Variants in IGFL2 observed in about 807,000 individuals in gnomAD.
IGFL2 encodes the protein insulin growth factor-like family member 2.
A neutral mutation model predicts 13.9 loss-of-function variants in IGFL2; 7 were observed. The observed-to-expected ratio is 0.51, with a 90% confidence interval of 0.29 to 0.95. The LOEUF is 0.95. IGFL2 is among the 40% of genes least tolerant of loss of function. The pLI, the probability that IGFL2 is intolerant of heterozygous loss-of-function variation, is 0.08. For missense variants in IGFL2, 138 were observed against 147.8 expected (o/e 0.93, Z 0.34); for synonymous variants, 55 against 55.8 (o/e 0.99, Z 0.07).
At chr19:46,175,323 G>A in the IGFL2 span, among the ~76,000 whole-genome samples, 1 of 152,170 alleles carries the variant, frequency 6.6e-6, no homozygotes, top group African/African-American at 2.4e-5. Context: ...GCTGACTCAG[G>A]ACTACAAAGA....
the IGFL2 span, chr19:46,113,789 G>T: frequency 6.3e-6 from 1 of 157,850 alleles, no homozygotes; most frequent in East Asian, 1.9e-4. Flanking sequence ...AGCCGTTTTA[G>T]CCTTGAGATC....
At chr19:46,086,773 C>T in the IGFL2 span, among the ~76,000 whole-genome samples, 3 of 152,242 alleles carry the variant, frequency 2.0e-5, no homozygotes, top group South Asian at 6.2e-4. Context: ...TGAATTTGCT[C>T]TCATGGGGAG....
chr19:46,138,528 C>CTT (rs1175915868), upstream of IGFL2, among the ~76,000 whole-genome samples: 1 of 152,142 alleles, frequency 6.6e-6, no homozygotes, highest in Non-Finnish European at 1.5e-5. Flanking sequence ...GCATTGATGT[C>CTT]TGTGTGCATG....
At chr19:46,173,506 G>A in the IGFL2 span, 1 of 152,534 alleles carries the variant, frequency 6.6e-6, no homozygotes, top group Non-Finnish European at 1.5e-5. Context: ...TGATTCTGGT[G>A]AGGGCCTTGG....
intron 1 of IGFL2, chr19:46,149,160 CT>C (rs377198769): frequency 1.3e-4 from 91 of 678,292 alleles, no homozygotes; most frequent in Middle Eastern, 3.8e-4. Context: ...CCCTCTCTCT[CT>C]TCTCTCTCTC....
the IGFL2 span, among the ~76,000 whole-genome samples, chr19:46,122,020 A>G: frequency 7.9e-5 from 12 of 151,280 alleles, no homozygotes; most frequent in Non-Finnish European, 1.6e-4. Context: ...GACTTCATCT[A>G]TCTTTTTAAA....
At chr19:46,131,936 C>G in the IGFL2 span, among the ~76,000 whole-genome samples, 6 of 152,184 alleles carry the variant, frequency 3.9e-5, no homozygotes, top group Non-Finnish European at 7.3e-5. Context: ...GAGACTCCCT[C>G]TCAAACAACA....
the IGFL2 span, among the ~76,000 whole-genome samples, chr19:46,114,524 C>T: frequency 1.8e-4 from 28 of 152,150 alleles, 1 homozygote; most frequent in Non-Finnish European, 3.1e-4. Context: ...TCTGTGTCCC[C>T]ACCCAAATCT....
the IGFL2 span, among the ~76,000 whole-genome samples, chr19:46,185,723 TTTA>T: frequency 6.6e-6 from 1 of 152,194 alleles, no homozygotes; most frequent in Non-Finnish European, 1.5e-5. Flanking sequence ...TTGAGGTCGT[TTTA>T]TTATTATTGT....
chr19:46,168,912 G>A, the IGFL2 span, among the ~76,000 whole-genome samples: 14 of 118,224 alleles, frequency 1.2e-4, no homozygotes, highest in Middle Eastern at 0.021. Flanking sequence ...GTGTGTGTGT[G>A]TGTATGTGTG....
At chr19:46,187,705 C>T in the IGFL2 span, among the ~76,000 whole-genome samples, 2 of 140,260 alleles carry the variant, frequency 1.4e-5, no homozygotes, top group Non-Finnish European at 1.5e-5. Context: ...TGTGTGCTAC[C>T]TGATCAGAGA....
At chr19:46,207,261 A>G in the IGFL2 span, 1 of 152,142 alleles carries the variant, frequency 6.6e-6, no homozygotes, top group Non-Finnish European at 1.5e-5. Context: ...TCTCCTCGCC[A>G]TTGCCACTTT....
the IGFL2 span, among the ~76,000 whole-genome samples, chr19:46,091,332 A>G: frequency 1.3e-5 from 2 of 152,226 alleles, no homozygotes; most frequent in African/African-American, 2.4e-5. Flanking sequence ...GAGGCCATTA[A>G]GTGGGGATAT....
upstream of IGFL2, chr19:46,143,340 T>C (rs1474464907): frequency 4.6e-5 from 7 of 152,176 alleles, no homozygotes; most frequent in Non-Finnish European, 2.9e-5. Context: ...GTTTATGTTA[T>C]CAGTAAGGCT....
chr19:46,203,673 T>C, the IGFL2 span: 1 of 152,288 alleles, frequency 6.6e-6, no homozygotes, highest in Non-Finnish European at 1.5e-5. Context: ...CCCAGTCCTC[T>C]CCCTCAGTGA....
At chr19:46,127,040 G>T in the IGFL2 span, among the ~76,000 whole-genome samples, 2 of 152,156 alleles carry the variant, frequency 1.3e-5, no homozygotes, top group Admixed American at 6.5e-5. Context: ...ACAGTAGCTG[G>T]AGTGTGTCAA....
upstream of IGFL2, among the ~76,000 whole-genome samples, chr19:46,139,374 A>G (rs1025039076): frequency 1.3e-5 from 2 of 151,660 alleles, no homozygotes; most frequent in South Asian, 4.2e-4. Flanking sequence ...AATCATTCAA[A>G]TTGAATTCTA....
chr19:46,139,110 A>G (rs557425736), upstream of IGFL2, among the ~76,000 whole-genome samples: 1 of 152,150 alleles, frequency 6.6e-6, no homozygotes, highest in South Asian at 2.1e-4. Context: ...CCACTTCCCC[A>G]GGAGCTGTTC....
chr19:46,175,761 G>C, the IGFL2 span, among the ~76,000 whole-genome samples: 1 of 150,682 alleles, frequency 6.6e-6, no homozygotes, highest in Non-Finnish European at 1.5e-5. Flanking sequence ...GGCTGGTCTC[G>C]AACTCCTGAC....
Sources: gnomAD v4.1 joint callset for allele counts (sites outside exome capture counted in the v4.1 genomes callset) on GRCh38, gnomAD v4.1.1 for gene constraint, MANE v1.5 for transcripts, NCBI Gene and HGNC (gene_info 2026-07-23, HGNC 2026-07-21) for gene names.